Variants in ROR2 observed in about 807,000 individuals in gnomAD.
ROR2 encodes tyrosine-protein kinase transmembrane receptor ROR2.
In ROR2, 33 loss-of-function variants were observed where a neutral mutation model predicts 74.9. That is an observed-to-expected ratio of 0.44 (90% CI 0.33 to 0.59). The LOEUF is 0.59. Among genes scored for constraint, ROR2 ranks in the 20% least tolerant of loss-of-function variants. The pLI is 0.02. For synonymous variants in ROR2, 586 were observed against 558.7 expected, an observed-to-expected ratio of 1.05 and a Z score of -0.69; for missense variants, 1,216 against 1,313.8, an observed-to-expected ratio of 0.93 and a Z score of 1.15.
At chr9:91,928,048 C>G (rs1256761793) in intron 1 of ROR2, among the ~76,000 whole-genome samples, 2 of 152,140 alleles carry the variant, frequency 1.3e-5, no homozygotes, top group Non-Finnish European at 2.9e-5. Flanking sequence ...CTTTCTTATG[C>G]AAACCAACCA....
chr9:91,790,928 A>T (rs1826951615), intron 1 of ROR2, among the ~76,000 whole-genome samples: 1 of 152,262 alleles, frequency 6.6e-6, no homozygotes, highest in Admixed American at 6.5e-5. Context: ...ACAGCTGTGC[A>T]TGTGTTAGTG....
intron 2 of ROR2, among the ~76,000 whole-genome samples, chr9:91,760,458 CCT>C (rs1825879816): frequency 6.6e-6 from 1 of 151,938 alleles, no homozygotes; most frequent in Admixed American, 6.5e-5. Flanking sequence ...ACAGTGAAAC[CCT>C]GTCTCCACTA....
intron 1 of ROR2, among the ~76,000 whole-genome samples, chr9:91,810,647 G>A (rs1827719858): frequency 6.6e-6 from 1 of 152,184 alleles, no homozygotes; most frequent in African/African-American, 2.4e-5. Context: ...CGCCTGTCCG[G>A]TCACTCTCGG....
At chr9:91,818,112 T>C (rs931918635) in intron 1 of ROR2, among the ~76,000 whole-genome samples, 6 of 152,202 alleles carry the variant, frequency 3.9e-5, no homozygotes, top group Non-Finnish European at 7.3e-5. Flanking sequence ...GTGGCAACTT[T>C]AAAGAATCAT....
At chr9:91,883,123 T>C (rs1830163733) in intron 1 of ROR2, 1 of 152,192 alleles carries the variant, frequency 6.6e-6, no homozygotes, top group Admixed American at 6.5e-5. Flanking sequence ...GCATAACCTG[T>C]ATGTATGGTA....
At chr9:91,818,339 T>G (rs1460638857) in intron 1 of ROR2, among the ~76,000 whole-genome samples, 1 of 152,214 alleles carries the variant, frequency 6.6e-6, no homozygotes, top group Non-Finnish European at 1.5e-5. Flanking sequence ...AACTTTTTTT[T>G]GCAACAGCAC....
intron 2 of ROR2, among the ~76,000 whole-genome samples, chr9:91,764,289 A>G (rs943700484): frequency 2.6e-5 from 4 of 152,116 alleles, no homozygotes; most frequent in Non-Finnish European, 5.9e-5. Context: ...CATTTTTATG[A>G]TTCTGTATTA....
chr9:91,779,140 G>A (rs1382723715), intron 1 of ROR2, among the ~76,000 whole-genome samples: 3 of 151,946 alleles, frequency 2.0e-5, no homozygotes, highest in Non-Finnish European at 2.9e-5. Context: ...CCGTATTATG[G>A]GGCAAATGTA....
intron 1 of ROR2, among the ~76,000 whole-genome samples, chr9:91,872,575 C>T (rs1027114177): frequency 7.2e-5 from 11 of 152,176 alleles, no homozygotes; most frequent in African/African-American, 2.7e-4. Flanking sequence ...CCAAGTCCTA[C>T]CTTGGGGCTG....
intron 1 of ROR2, among the ~76,000 whole-genome samples, chr9:91,837,543 T>C (rs1828646518): frequency 6.6e-6 from 1 of 152,210 alleles, no homozygotes; most frequent in Non-Finnish European, 1.5e-5. Flanking sequence ...CCCCCTGCTC[T>C]TTGCACTTTA....
chr9:91,886,479 C>T (rs1020648761), intron 1 of ROR2, among the ~76,000 whole-genome samples: 1 of 149,994 alleles, frequency 6.7e-6, no homozygotes, highest in African/African-American at 2.5e-5. Flanking sequence ...TCTCTGCTTA[C>T]ACCACCGACT....
At chr9:91,854,771 T>G (rs867787516) in intron 1 of ROR2, among the ~76,000 whole-genome samples, 1 of 152,168 alleles carries the variant, frequency 6.6e-6, no homozygotes, top group Admixed American at 6.5e-5. Context: ...CACATGCACT[T>G]TTAGAATAAG....
At chr9:91,773,382 TCA>T (rs1217798117) in intron 2 of ROR2, among the ~76,000 whole-genome samples, 3 of 152,266 alleles carry the variant, frequency 2.0e-5, no homozygotes, top group Admixed American at 6.5e-5. Context: ...TGTGATTTTT[TCA>T]CAGAGTAAAT....
intron 1 of ROR2, among the ~76,000 whole-genome samples, chr9:91,875,136 C>T (rs1024430410): frequency 6.6e-6 from 1 of 152,180 alleles, no homozygotes; most frequent in Non-Finnish European, 1.5e-5. Flanking sequence ...AACCAATTAA[C>T]GGTCCCAGGA....
intron 1 of ROR2, among the ~76,000 whole-genome samples, chr9:91,874,838 G>A (rs563001624): frequency 4.6e-5 from 7 of 152,182 alleles, no homozygotes; most frequent in African/African-American, 1.7e-4. Context: ...GGGAGGCTGA[G>A]GCAGGAGAAT....
At chr9:91,885,600 C>A (rs892515906) in intron 1 of ROR2, among the ~76,000 whole-genome samples, 1 of 152,186 alleles carries the variant, frequency 6.6e-6, no homozygotes, top group Non-Finnish European at 1.5e-5. Context: ...TGGAAACATG[C>A]TGGTCCCCGC....
At chr9:91,919,944 G>C (rs897374364) in intron 1 of ROR2, among the ~76,000 whole-genome samples, 4 of 152,274 alleles carry the variant, frequency 2.6e-5, no homozygotes, top group South Asian at 2.1e-4. Context: ...CAGTTTAGAA[G>C]GGAATATTTG....
chr9:91,877,189 T>C (rs372807625), intron 1 of ROR2, among the ~76,000 whole-genome samples: 1 of 152,300 alleles, frequency 6.6e-6, no homozygotes, highest in East Asian at 1.9e-4. Context: ...AGGTGGAAAT[T>C]ACAAGGACTC....
At chr9:91,738,907 G>A (rs1825126678) in intron 4 of ROR2, among the ~76,000 whole-genome samples, 1 of 152,190 alleles carries the variant, frequency 6.6e-6, no homozygotes, top group Non-Finnish European at 1.5e-5. Flanking sequence ...ATTATTTTCT[G>A]CAGAAACTGT....
Sources: gnomAD v4.1 joint callset for allele counts (sites outside exome capture counted in the v4.1 genomes callset) on GRCh38, gnomAD v4.1.1 for gene constraint, MANE v1.5 for transcripts, NCBI Gene and HGNC (gene_info 2026-07-23, HGNC 2026-07-21) for gene names.